TLK2: variants seen among roughly 807,000 people sequenced by gnomAD.
The protein encoded by TLK2 is serine/threonine-protein kinase tousled-like 2.
In TLK2, 6 loss-of-function variants were observed where a neutral mutation model predicts 117.3. The ratio of observed to expected loss-of-function variants is 0.05; its 90% confidence interval spans 0.03 to 0.10. TLK2 has a LOEUF of 0.10. Among genes scored for constraint, TLK2 ranks in the 10% least tolerant of loss-of-function variants. The probability of loss-of-function intolerance (pLI) is 1.00; values close to 1 mark genes in which losing one functional copy is unlikely to be tolerated. For missense variants in TLK2, 299 were observed against 901.2 expected (o/e 0.33, Z 8.56); for synonymous variants, 257 against 316.7 (o/e 0.81, Z 2.00).
chr17:62,506,693 CT>C (rs1257761024), intron 2 of TLK2, among the ~76,000 whole-genome samples: 1 of 151,858 alleles, frequency 6.6e-6, no homozygotes, highest in Non-Finnish European at 1.5e-5. Context: ...GTTTTCTTTA[CT>C]GTGAATGTGC....
chr17:62,504,525 A>G (rs1486069753), intron 2 of TLK2, among the ~76,000 whole-genome samples: 1 of 152,146 alleles, frequency 6.6e-6, no homozygotes, highest in Non-Finnish European at 1.5e-5. Context: ...TTTTTTAGGC[A>G]GGGCATGGTG....
intron 12 of TLK2, among the ~76,000 whole-genome samples, chr17:62,575,582 A>G (rs2080719891): frequency 6.6e-6 from 1 of 152,208 alleles, no homozygotes; most frequent in South Asian, 2.1e-4. Context: ...TTAAATATCT[A>G]TATGCTTCTA....
At chr17:62,500,422 C>G (rs1328049134) in intron 2 of TLK2, among the ~76,000 whole-genome samples, 4 of 152,092 alleles carry the variant, frequency 2.6e-5, no homozygotes, top group Admixed American at 6.6e-5. Context: ...AAAGAAGGAT[C>G]AATTTTTTGA....
intron 2 of TLK2, among the ~76,000 whole-genome samples, chr17:62,497,534 A>G (rs1055290413): frequency 6.6e-6 from 1 of 152,062 alleles, no homozygotes; most frequent in African/African-American, 2.4e-5. Flanking sequence ...TTTTTCCCCC[A>G]TTATTAGACT....
chr17:62,584,265 C>T (rs185676818), intron 15 of TLK2, among the ~76,000 whole-genome samples: 1 of 151,482 alleles, frequency 6.6e-6, no homozygotes, highest in East Asian at 1.9e-4. Context: ...TACAGGTGTC[C>T]GCCACCACAC....
intron 10 of TLK2, among the ~76,000 whole-genome samples, chr17:62,563,076 A>G (rs1278748756): frequency 6.6e-6 from 1 of 152,240 alleles, no homozygotes; most frequent in East Asian, 1.9e-4. Context: ...GAATGTAGAT[A>G]CAAATTATTA....
chr17:62,539,428 T>C (rs2077344104), intron 7 of TLK2, among the ~76,000 whole-genome samples: 1 of 151,960 alleles, frequency 6.6e-6, no homozygotes, highest in Non-Finnish European at 1.5e-5. Context: ...GGGCTCTGTC[T>C]TCAGACTCAT....
intron 2 of TLK2, among the ~76,000 whole-genome samples, chr17:62,485,782 G>A (rs1436845698): frequency 6.6e-6 from 1 of 151,074 alleles, no homozygotes; most frequent in Non-Finnish European, 1.5e-5. Flanking sequence ...GAGGTGATAA[G>A]GTTAAACTGG....
chr17:62,549,418 A>AAAAAAAAAAG (rs2078230015), intron 7 of TLK2, among the ~76,000 whole-genome samples: 1 of 8,534 alleles, frequency 1.2e-4, no homozygotes, highest in African/African-American at 1.6e-4. Context: ...AAAAAAAAAA[A>AAAAAAAAAAG]AAAAAAAAAA....
chr17:62,595,208 C>A (rs910007743), intron 16 of TLK2, among the ~76,000 whole-genome samples: 1 of 151,512 alleles, frequency 6.6e-6, no homozygotes, highest in Admixed American at 6.6e-5. Context: ...GGTGATCCAG[C>A]GACCTCAGGT....
At chr17:62,546,276 G>A (rs1481854771) in intron 7 of TLK2, among the ~76,000 whole-genome samples, 9 of 151,054 alleles carry the variant, frequency 6.0e-5, no homozygotes, top group Admixed American at 5.9e-4. Context: ...GCTTCCCAAA[G>A]TACTGCGATT....
At chr17:62,599,920 A>G (rs1011898387) in intron 17 of TLK2, among the ~76,000 whole-genome samples, 16 of 152,232 alleles carry the variant, frequency 1.1e-4, no homozygotes, top group African/African-American at 1.7e-4. Context: ...GATGCCACCA[A>G]TGGCATATGG....
At chr17:62,476,561 C>T (rs551679416), upstream of TLK2, among the ~76,000 whole-genome samples, 40 of 150,682 alleles carry the variant, frequency 2.7e-4, no homozygotes, top group East Asian at 4.8e-3. Flanking sequence ...TCAGCCCGGG[C>T]GACAGTGTGA....
In TLK2 at chr17:62,573,340, G is replaced by A. The variant is rs2080467448; in HGVS notation, c.1094G>A (p.Ser365Asn). The change falls in exon 12 of 22, where the codon AGC becomes AAC. Residue 365 changes from serine to asparagine, a missense_variant. Ser to Asn is a conservative substitution (Grantham distance 46). Around this residue, in one of 4 missense-constraint regions of TLK2, gnomAD observed 94 missense variants for 282.6 expected, o/e 0.33. Coordinates refer to ENST00000346027, the MANE Select transcript of TLK2 (RefSeq NM_006852.6). ...ACCAATGAGCAGAAACAGCGGAAAA[G>A]CAAGACCAATGGAGCTGAAAATGAA... Reference protein sequence around the residue: ...PATNEQKQRKSKTNGAENETL... With the variant: ...PATNEQKQRKNKTNGAENETL... 1 of 1,614,110 alleles carries A rather than the reference G, an allele frequency of 6.2e-7. No individual in the cohort carries two copies. Among genetic ancestry groups the A allele is most frequent in the Non-Finnish European group, 8.5e-7 (1 of 1,179,990 alleles).
In TLK2 at chr17:62,586,129, T is replaced by C. The variant is rs1003807080; in HGVS notation, c.1369-6T>C. On this transcript the variant is annotated splice_region_variant and splice_polypyrimidine_tract_variant and intron_variant, in intron 15 of 21. Coordinates refer to ENST00000346027, the MANE Select transcript of TLK2 (RefSeq NM_006852.6). ...TTACCCAGTATATAATTTATTCTCT[T>C]TATAGGCATTTGATCTAACAGAGCA... is the stretch of plus-strand genomic sequence containing the variant. 1.7e-5 allele frequency: 27 copies of C among 1,608,522 alleles called. No homozygotes were observed. Among genetic ancestry groups the C allele is most frequent in the Non-Finnish European group, 2.3e-5 (27 of 1,176,710 alleles).
In TLK2 at chr17:62,567,784, C is replaced by T. The variant is rs115807707; in HGVS notation, c.968+2647C>T. Among the ~76,000 whole-genome samples the T allele has an allele frequency of 5.2e-3, 796 of 152,176 alleles. 5 individuals carry two copies. The highest frequency in any genetic ancestry group is 0.018 in the African/African-American group (758 of 41,514). ...AATGAATCAGATAATCAAATATAGC[C>T]TCAATAGGACCCTTAGCACCATTTT... On this transcript the variant is annotated intron_variant, in intron 11 of 21. Coordinates refer to ENST00000346027, the MANE Select transcript of TLK2 (RefSeq NM_006852.6).
At chr17:62,591,902 A>G (rs1220821104) in intron 16 of TLK2, among the ~76,000 whole-genome samples, 1 of 152,008 alleles carries the variant, frequency 6.6e-6, no homozygotes, top group African/African-American at 2.4e-5. Flanking sequence ...AATAGTGCTG[A>G]ATTACTTAAA....
At chr17:62,590,845 G>A (rs879890633) in intron 16 of TLK2, among the ~76,000 whole-genome samples, 1 of 152,168 alleles carries the variant, frequency 6.6e-6, no homozygotes, top group Non-Finnish European at 1.5e-5. Context: ...AAATAAAAAC[G>A]TACATACTTT....
intron 2 of TLK2, among the ~76,000 whole-genome samples, chr17:62,487,315 T>G (rs1220695013): frequency 1.4e-5 from 2 of 141,252 alleles, no homozygotes; most frequent in East Asian, 2.1e-4. Flanking sequence ...AAGAAAGAAA[T>G]ATGATTGCAA....
Sources: allele counts gnomAD v4.1 joint callset (sites outside exome capture counted in the v4.1 genomes callset), GRCh38; gene constraint gnomAD v4.1.1; regional missense constraint gnomAD v4.1.1; transcripts MANE v1.5; gene names NCBI Gene and HGNC (gene_info 2026-07-23, HGNC 2026-07-21).